Variants in MSI2 observed in about 807,000 individuals in gnomAD.
MSI2 encodes musashi RNA binding protein 2, also known as RNA-binding protein Musashi homolog 2.
A neutral mutation model predicts 45.6 loss-of-function variants in MSI2; 17 were observed. The observed-to-expected ratio is 0.37, with a 90% CI of 0.26 to 0.56. The LOEUF (loss-of-function observed/expected upper bound fraction) is 0.56, where lower values mean the gene tolerates loss of function less well. Ranked by LOEUF, MSI2 falls within the 20% of genes least tolerant of loss-of-function variation. MSI2 has a pLI of 0.77. For synonymous variants in MSI2, 156 were observed against 158.2 expected, an observed-to-expected ratio of 0.99 and a Z score of 0.11; for missense variants, 293 against 444.2, an observed-to-expected ratio of 0.66 and a Z score of 3.06.
chr17:57,551,646 G>A (rs1229151159), intron 7 of MSI2, among the ~76,000 whole-genome samples: 1 of 151,922 alleles, frequency 6.6e-6, no homozygotes, highest in Non-Finnish European at 1.5e-5. Flanking sequence ...ATGCCCCACC[G>A]CCCTTCCCCC....
chr17:57,409,742 C>T (rs189324530), intron 6 of MSI2, among the ~76,000 whole-genome samples: 288 of 152,250 alleles, frequency 1.9e-3, no homozygotes, highest in Non-Finnish European at 3.4e-3. Flanking sequence ...GGCACAGTGG[C>T]TCACGCCTGT....
chr17:57,458,135 C>T (rs2085152237), intron 6 of MSI2, among the ~76,000 whole-genome samples: 1 of 140,698 alleles, frequency 7.1e-6, no homozygotes, highest in South Asian at 2.2e-4. Flanking sequence ...GAGTCTCGCT[C>T]TGTCGCCCAG....
chr17:57,306,848 T>A (rs902310808), intron 5 of MSI2, among the ~76,000 whole-genome samples: 2 of 152,188 alleles, frequency 1.3e-5, no homozygotes, highest in Admixed American at 1.3e-4. Flanking sequence ...ATTTTAATAT[T>A]CCTTAGTATA....
intron 6 of MSI2, among the ~76,000 whole-genome samples, chr17:57,410,004 T>G (rs2084162339): frequency 6.5e-4 from 1 of 1,548 alleles, no homozygotes. Context: ...TGAGACTCTG[T>G]CTCCAAAAAA....
chr17:57,415,593 G>T (rs1273943441), intron 6 of MSI2, among the ~76,000 whole-genome samples: 1 of 152,106 alleles, frequency 6.6e-6, no homozygotes, highest in East Asian at 1.9e-4. Context: ...TTTGCCCAGG[G>T]TCTGGCACAT....
At chr17:57,394,888 A>G (rs549897747) in intron 5 of MSI2, among the ~76,000 whole-genome samples, 1 of 152,364 alleles carries the variant, frequency 6.6e-6, no homozygotes, top group Admixed American at 6.5e-5. Context: ...AGATCTCTGT[A>G]TTAGTTTTGT....
chr17:57,408,565 C>G (rs1162251634), intron 6 of MSI2, among the ~76,000 whole-genome samples: 1 of 142,864 alleles, frequency 7.0e-6, no homozygotes, highest in Admixed American at 6.9e-5. Context: ...CCCTTGGGCA[C>G]AAAGGAGTTA....
At chr17:57,421,250 C>T (rs1234741046) in intron 6 of MSI2, among the ~76,000 whole-genome samples, 2 of 152,108 alleles carry the variant, frequency 1.3e-5, no homozygotes, top group Admixed American at 6.5e-5. Flanking sequence ...TTAATGGCCC[C>T]GTGGCAGTCC....
intron 6 of MSI2, among the ~76,000 whole-genome samples, chr17:57,460,924 T>C (rs1012993012): frequency 8.5e-5 from 13 of 152,136 alleles, no homozygotes; most frequent in African/African-American, 2.7e-4. Context: ...GCAGGAGCTG[T>C]GTGTCTTCCA....
At chr17:57,260,672 A>T (rs1359080261) in intron 4 of MSI2, among the ~76,000 whole-genome samples, 1 of 152,210 alleles carries the variant, frequency 6.6e-6, no homozygotes, top group Non-Finnish European at 1.5e-5. Context: ...AGTTTTCTAG[A>T]TCAGAGATTT....
chr17:57,603,825 A>G (rs993373583), intron 8 of MSI2, among the ~76,000 whole-genome samples: 10 of 152,366 alleles, frequency 6.6e-5, no homozygotes, highest in Non-Finnish European at 1.5e-4. Context: ...AAACTAATCT[A>G]GCTCAGAGCA....
chr17:57,477,145 G>GGTGTGT (rs59127306), intron 6 of MSI2, among the ~76,000 whole-genome samples: 3,341 of 118,632 alleles, frequency 0.028, 94 homozygotes, highest in Non-Finnish European at 0.034. Flanking sequence ...CATAAGGCCT[G>GGTGTGT]GTGTGTGTGT....
Position 57,358,133 on chromosome 17 carries a change from G to A in MSI2, c.313-43246G>A, listed in dbSNP as rs144012466. ...GGCAACTATTTGCCCTTAAAGAAAA[G>A]CATCAGTGAAAAGTTGAGGGCAGAG... On this transcript the variant is annotated intron_variant, in intron 5 of 13. Transcript: ENST00000284073. 2.7e-4 allele frequency among the ~76,000 whole-genome samples: 41 copies of A among 152,270 alleles called. 1 individual carries two copies. In the East Asian group the frequency reaches 7.1e-3, roughly 26 times the overall value.
rs545978613 is a variant in MSI2, at chr17:57,280,666, G to A, written c.312+18474G>A. Among the ~76,000 whole-genome samples the A allele has an allele frequency of 7.2e-5, 11 of 152,138 alleles. No homozygotes were observed. Among genetic ancestry groups the A allele is most frequent in the Admixed American group, 4.6e-4 (7 of 15,288 alleles). ...GAGTGTAACCCCTTGGCTGGCAATC[G>A]GCATACTCTTAGTGACGGACCCCTA... On this transcript the variant is annotated intron_variant, in intron 5 of 13. Coordinates refer to ENST00000284073, the MANE Select transcript of MSI2 (RefSeq NM_138962.4). The surrounding 1 kb of genome is among the most constrained non-coding windows in gnomAD (Gnocchi z 4.2).
At chr17:57,343,523 C>T (rs988637658) in intron 5 of MSI2, among the ~76,000 whole-genome samples, 5 of 152,084 alleles carry the variant, frequency 3.3e-5, no homozygotes, top group Non-Finnish European at 5.9e-5. Context: ...TTGTGACCCT[C>T]CACTCCTAAA....
intron 7 of MSI2, among the ~76,000 whole-genome samples, chr17:57,565,644 A>G (rs183845861): frequency 1.4e-5 from 2 of 147,744 alleles, no homozygotes; most frequent in East Asian, 3.9e-4. Flanking sequence ...AGACAAAGAC[A>G]TGTTTTATTT....
At chr17:57,634,214 C>G (rs1909653424) in intron 10 of MSI2, among the ~76,000 whole-genome samples, 1 of 152,194 alleles carries the variant, frequency 6.6e-6, no homozygotes, top group South Asian at 2.1e-4. Flanking sequence ...CCTATAATCC[C>G]AACACTTTGG....
chr17:57,594,587 G>A (rs1184459001), intron 7 of MSI2, among the ~76,000 whole-genome samples: 1 of 152,206 alleles, frequency 6.6e-6, no homozygotes, highest in East Asian at 1.9e-4. Flanking sequence ...AATGATCAGT[G>A]GGACCAAGGG....
At chr17:57,283,279 A>C (rs1909584867) in intron 5 of MSI2, among the ~76,000 whole-genome samples, 1 of 152,024 alleles carries the variant, frequency 6.6e-6, no homozygotes, top group Admixed American at 6.6e-5. Flanking sequence ...GGAAGTTTAT[A>C]AGCAGAGGCC....
Sources: allele counts gnomAD v4.1 joint callset (sites outside exome capture counted in the v4.1 genomes callset), GRCh38; gene constraint gnomAD v4.1.1; non-coding constraint Gnocchi (gnomAD v3.1); transcripts MANE v1.5; gene names NCBI Gene and HGNC (gene_info 2026-07-23, HGNC 2026-07-21).